Variants in TMC1 observed in about 807,000 individuals in gnomAD.
The protein encoded by TMC1 is transmembrane channel-like protein 1.
A neutral mutation model predicts 105.8 loss-of-function variants in TMC1; 84 were observed. The ratio of observed to expected loss-of-function variants is 0.79; its 90% CI spans 0.67 to 0.95. The LOEUF (loss-of-function observed/expected upper bound fraction) is 0.95, where lower values mean the gene tolerates loss of function less well. Among genes scored for constraint, TMC1 ranks in the 40% least tolerant of loss-of-function variants. The probability of loss-of-function intolerance (pLI) is 0.00; values close to 1 mark genes in which losing one functional copy is unlikely to be tolerated. For missense variants in TMC1, 817 were observed against 914.1 expected, an observed-to-expected ratio of 0.89 and a Z score of 1.37; for synonymous variants, 315 against 311.5, an observed-to-expected ratio of 1.01 and a Z score of -0.12.
At chr9:72,749,966 G>T (rs751448623) in intron 10 of TMC1, among the ~76,000 whole-genome samples, 5 of 152,068 alleles carry the variant, frequency 3.3e-5, no homozygotes, top group Admixed American at 1.3e-4. Context: ...AATTAGCCAG[G>T]TGTGGTGGTG....
rs1564544252 is a variant in TMC1, at chr9:72,772,273, G to C, written c.742-140G>C. The C allele has an allele frequency of 2.9e-6, 3 of 1,040,776 alleles. No individual in the cohort carries two copies. The African/African-American group carries it at 4.7e-5, about 16-fold the overall frequency. 64.5% of individuals were successfully genotyped at this position (1,040,776 alleles called of 1,614,324 possible). ...GCAGCTGAAACATTCACTTTATGGA[G>C]CAAAACAATAGGGCTCATGTCAGAG... On this transcript the variant is annotated intron_variant, in intron 12 of 23. Coordinates refer to ENST00000297784, the MANE Select transcript of TMC1 (RefSeq NM_138691.3).
At chr9:72,552,873 T>TTA (rs1823878960) in intron 1 of TMC1, among the ~76,000 whole-genome samples, 1 of 152,224 alleles carries the variant, frequency 6.6e-6, no homozygotes, top group African/African-American at 2.4e-5. Context: ...TTTATCTTCT[T>TTA]TCTATATATG....
intron 8 of TMC1, among the ~76,000 whole-genome samples, chr9:72,729,320 A>G (rs1267034099): frequency 2.0e-5 from 3 of 152,174 alleles, no homozygotes; most frequent in Non-Finnish European, 4.4e-5. Flanking sequence ...AAGTGGTACT[A>G]TCCAAAAGGA....
chr9:72,722,585 C>G (rs984538549), intron 8 of TMC1, among the ~76,000 whole-genome samples: 5 of 152,176 alleles, frequency 3.3e-5, no homozygotes, highest in Admixed American at 2.6e-4. Flanking sequence ...TTGAGCTCCT[C>G]AGGGCACGAA....
At chr9:72,761,452 A>G (rs1322565391) in intron 12 of TMC1, among the ~76,000 whole-genome samples, 3 of 152,196 alleles carry the variant, frequency 2.0e-5, no homozygotes, top group Non-Finnish European at 4.4e-5. Context: ...TACATTGCTG[A>G]TGGATAAATG....
intron 8 of TMC1, among the ~76,000 whole-genome samples, chr9:72,722,809 T>C (rs1028269812): frequency 6.6e-6 from 1 of 152,168 alleles, no homozygotes; most frequent in Admixed American, 6.5e-5. Flanking sequence ...CCCTGATCTA[T>C]AGTGCTTGCC....
intron 1 of TMC1, among the ~76,000 whole-genome samples, chr9:72,563,078 CATAG>C (rs1564412238): frequency 1.3e-5 from 2 of 151,804 alleles, no homozygotes; most frequent in African/African-American, 4.8e-5. Flanking sequence ...GATTTACAAA[CATAG>C]AGTACAGCAT....
chr9:72,688,840 T>C (rs572692784), intron 6 of TMC1, 84 bp downstream of exon 6: 1 of 1,155,196 alleles, frequency 8.7e-7, no homozygotes, highest in South Asian at 1.3e-5. Flanking sequence ...GGACTTGAGC[T>C]ACCATATGTA....
At chr9:72,753,286 C>CTTTTTTTT (rs5898269) in intron 11 of TMC1, among the ~76,000 whole-genome samples, 31 of 81,830 alleles carry the variant, frequency 3.8e-4, no homozygotes, top group Admixed American at 4.7e-4. Context: ...TTAACCCCAG[C>CTTTTTTTT]TTTTTTTTTT....
At chr9:72,696,346 T>C (rs1826550832) in intron 7 of TMC1, among the ~76,000 whole-genome samples, 1 of 152,184 alleles carries the variant, frequency 6.6e-6, no homozygotes, top group South Asian at 2.1e-4. Context: ...ACTCTCTCCA[T>C]AGGTTTTGCA....
chr9:72,814,333 G>GAA (rs1216284722), intron 18 of TMC1, among the ~76,000 whole-genome samples: 1 of 152,096 alleles, frequency 6.6e-6, no homozygotes, highest in African/African-American at 2.4e-5. Flanking sequence ...CCCCCAGAAG[G>GAA]AAAAAGACTC....
At chr9:72,629,375 C>T (rs1825409514) in intron 4 of TMC1, among the ~76,000 whole-genome samples, 1 of 152,112 alleles carries the variant, frequency 6.6e-6, no homozygotes, top group Non-Finnish European at 1.5e-5. Context: ...TTCAAAGAAC[C>T]ATTCATTGAG....
At chr9:72,748,151 C>A (rs1023297913) in intron 10 of TMC1, among the ~76,000 whole-genome samples, 1 of 152,136 alleles carries the variant, frequency 6.6e-6, no homozygotes, top group African/African-American at 2.4e-5. Context: ...TAAGAGAGAT[C>A]TAGATTTGGA....
intron 12 of TMC1, among the ~76,000 whole-genome samples, chr9:72,755,108 GAAAGAGAAAGAA>G: frequency 1.3e-5 from 2 of 151,226 alleles, no homozygotes; most frequent in African/African-American, 4.9e-5. Flanking sequence ...AAGAAAGAAA[GAAAGAGAAAGAA>G]AGAAAGAAAG....
intron 9 of TMC1, chr9:72,741,110 CT>C (rs11361430): frequency 0.25 from 37,781 of 151,040 alleles, 4,712 homozygotes; most frequent in East Asian, 0.37. Flanking sequence ...TATGAGTAAT[CT>C]TTTTTTTTTT....
chr9:72,794,084 C>T (rs547776189), intron 17 of TMC1, among the ~76,000 whole-genome samples: 2 of 152,148 alleles, frequency 1.3e-5, no homozygotes, highest in South Asian at 2.1e-4. Context: ...CCTACCCCCA[C>T]CCCCCTCCTT....
At chr9:72,586,147 C>T (rs1428546888) in intron 2 of TMC1, among the ~76,000 whole-genome samples, 6 of 152,120 alleles carry the variant, frequency 3.9e-5, no homozygotes, top group Admixed American at 6.6e-5. Context: ...CTAATTAGTG[C>T]TTAATTTACA....
intron 9 of TMC1, chr9:72,741,312 A>G: frequency 3.0e-6 from 1 of 333,992 alleles, no homozygotes; most frequent in Non-Finnish European, 5.6e-6. Context: ...ATAGTATTTC[A>G]GGACAGCCAG....
chr9:72,808,376 C>G (rs1251508458), intron 18 of TMC1, among the ~76,000 whole-genome samples: 1 of 152,202 alleles, frequency 6.6e-6, no homozygotes, highest in Non-Finnish European at 1.5e-5. Context: ...AAAGACTCAG[C>G]TATTATGTTA....
Sources: gnomAD v4.1 joint callset for allele counts (sites outside exome capture counted in the v4.1 genomes callset) on GRCh38, gnomAD v4.1.1 for gene constraint, MANE v1.5 for transcripts, NCBI Gene and HGNC (gene_info 2026-07-23, HGNC 2026-07-21) for gene names.